Variants in PIK3CB observed in about 807,000 individuals in gnomAD.
PIK3CB encodes the protein phosphatidylinositol 4,5-bisphosphate 3-kinase catalytic subunit beta isoform.
PIK3CB carries 39 observed loss-of-function variants against 136.8 expected under a neutral mutation model. The observed-to-expected ratio is 0.29, with a 90% CI of 0.22 to 0.37. PIK3CB has a LOEUF of 0.37. Among genes scored for constraint, PIK3CB ranks in the 10% least tolerant of loss-of-function variants. PIK3CB has a pLI of 1.00. For missense variants in PIK3CB, 868 were observed against 1,275.4 expected (o/e 0.68, Z 4.87); for synonymous variants, 428 against 436.6 (o/e 0.98, Z 0.25).
chr3:138,730,461 A>G (rs981396156), intron 8 of PIK3CB, among the ~76,000 whole-genome samples: 3 of 152,258 alleles, frequency 2.0e-5, no homozygotes, highest in African/African-American at 7.2e-5. Context: ...AATTATCTAC[A>G]GAAGACAAAT....
intron 19 of PIK3CB, among the ~76,000 whole-genome samples, chr3:138,671,749 G>C (rs1322515263): frequency 6.6e-6 from 1 of 152,244 alleles, no homozygotes; most frequent in East Asian, 1.9e-4. Context: ...GTGCCTCCTT[G>C]GCCAGTTGCC....
intron 19 of PIK3CB, among the ~76,000 whole-genome samples, chr3:138,668,384 A>G (rs1203511281): frequency 6.6e-6 from 1 of 152,144 alleles, no homozygotes; most frequent in African/African-American, 2.4e-5. Context: ...TCACAATGAG[A>G]AGGAAAAAAC....
chr3:138,803,928 G>A (rs1392892107), intron 1 of PIK3CB, among the ~76,000 whole-genome samples: 1 of 152,096 alleles, frequency 6.6e-6, no homozygotes, highest in Non-Finnish European at 1.5e-5. Context: ...ATTCACTGGA[G>A]GCCCACATCA....
rs562298306 is a variant in PIK3CB at position 138,695,550 on chromosome 3, T to C, written c.1771-643A>G. On this transcript the variant is annotated intron_variant, in intron 13 of 23. Coordinates refer to ENST00000674063, the MANE Select transcript of PIK3CB (RefSeq NM_006219.3). ...CAAGCCCTCCCCCAAAAGTCAACAA[T>C]ATCTAAATGAGTATCTACCAGCTAA... 3.7e-4 allele frequency among the ~76,000 whole-genome samples: 56 copies of C among 152,312 alleles called. No homozygotes were observed. In the East Asian group the frequency reaches 9.6e-3, roughly 26 times the overall value.
At position 138,755,861 on chromosome 3, in the gene PIK3CB, C is replaced by T. The variant is rs1467994756; in HGVS notation, c.290G>A (p.Arg97Gln). The T allele has an allele frequency of 6.8e-6, 11 of 1,611,730 alleles. No homozygotes were observed. The highest frequency in any genetic ancestry group is 1.7e-4 in the Middle Eastern group (1 of 6,054). The change falls in exon 4 of 24, where the codon CGA (arginine) becomes CAA (glutamine). Residue 97 changes from arginine to glutamine, a missense_variant. Arg to Gln is a conservative substitution (Grantham distance 43, BLOSUM62 1). This residue lies in a region of PIK3CB where 612 missense variants were observed against 801.1 expected (regional missense o/e 0.76). Coordinates refer to ENST00000674063, the MANE Select transcript of PIK3CB (RefSeq NM_006219.3). The stretch of plus-strand genomic sequence containing the variant: ...AAAAGGTCTGACATCACAGAGTCTT[C>T]GTGTTTCATCTTCAAGCTCCTCATA... The part of the protein sequence containing the change: ...AVYEELEDET[R>Q]RLCDVRPFLP...
chr3:138,702,714 T>C (rs1433593128), intron 12 of PIK3CB, among the ~76,000 whole-genome samples: 1 of 152,260 alleles, frequency 6.6e-6, no homozygotes, highest in East Asian at 1.9e-4. Context: ...TAAAGGTAAC[T>C]GCTCTTGCAG....
At chr3:138,817,598 T>C (rs1933391843) in intron 1 of PIK3CB, among the ~76,000 whole-genome samples, 1 of 152,142 alleles carries the variant, frequency 6.6e-6, no homozygotes, top group African/African-American at 2.4e-5. Flanking sequence ...CTAAAACTAC[T>C]GAGCCAAAAT....
intron 21 of PIK3CB, among the ~76,000 whole-genome samples, chr3:138,660,024 C>A (rs2043265647): frequency 1.3e-5 from 2 of 151,672 alleles, no homozygotes; most frequent in Non-Finnish European, 2.9e-5. Context: ...GAGTATACCT[C>A]CCTGGACTGA....
chr3:138,740,357 C>G (rs1324934948), intron 5 of PIK3CB, among the ~76,000 whole-genome samples: 1 of 152,116 alleles, frequency 6.6e-6, no homozygotes, highest in Non-Finnish European at 1.5e-5. Flanking sequence ...AACTCCGTCT[C>G]AAAACAAAAC....
intron 1 of PIK3CB, among the ~76,000 whole-genome samples, chr3:138,808,009 ACAC>A (rs960072237): frequency 6.6e-5 from 10 of 151,928 alleles, no homozygotes; most frequent in African/African-American, 2.2e-4. Context: ...ATTAAGCACT[ACAC>A]CACATGTTGC....
At chr3:138,659,369 C>G (rs1328290676) in intron 21 of PIK3CB, among the ~76,000 whole-genome samples, 1 of 152,082 alleles carries the variant, frequency 6.6e-6, no homozygotes, top group Non-Finnish European at 1.5e-5. Flanking sequence ...TTATACTTGA[C>G]TGGGCGTGGT....
intron 1 of PIK3CB, among the ~76,000 whole-genome samples, chr3:138,833,731 T>A (rs963734680): frequency 5.3e-5 from 8 of 152,206 alleles, no homozygotes; most frequent in Non-Finnish European, 1.2e-4. Flanking sequence ...ATACTCTTCG[T>A]GTGTTTATAA....
At chr3:138,671,190 G>T (rs1414550129) in intron 19 of PIK3CB, among the ~76,000 whole-genome samples, 1 of 152,068 alleles carries the variant, frequency 6.6e-6, no homozygotes, top group Admixed American at 6.6e-5. Context: ...GTGTTAAAAA[G>T]AAATAACATA....
intron 19 of PIK3CB, among the ~76,000 whole-genome samples, chr3:138,679,704 T>A (rs1368611063): frequency 6.6e-6 from 1 of 151,220 alleles, no homozygotes; most frequent in Non-Finnish European, 1.5e-5. Flanking sequence ...CCTCCTCAGC[T>A]CCCAAGTAGC....
chr3:138,681,544 C>A (rs2108478411), intron 19 of PIK3CB, among the ~76,000 whole-genome samples: 1 of 152,204 alleles, frequency 6.6e-6, no homozygotes, highest in Non-Finnish European at 1.5e-5. Flanking sequence ...TTGATGGTGG[C>A]AAACTAAAAA....
intron 4 of PIK3CB, among the ~76,000 whole-genome samples, chr3:138,748,040 T>A (rs1175015386): frequency 6.6e-6 from 1 of 152,126 alleles, no homozygotes; most frequent in Non-Finnish European, 1.5e-5. Context: ...TAAAATTTGA[T>A]AATACCCTGT....
intron 4 of PIK3CB, among the ~76,000 whole-genome samples, chr3:138,753,764 C>T (rs1400087206): frequency 2.0e-5 from 3 of 152,038 alleles, no homozygotes; most frequent in Non-Finnish European, 4.4e-5. Context: ...TGAGATCGCA[C>T]CACTGCACTC....
intron 1 of PIK3CB, among the ~76,000 whole-genome samples, chr3:138,833,912 AAG>A (rs1934155542): frequency 6.6e-6 from 1 of 152,180 alleles, no homozygotes; most frequent in Non-Finnish European, 1.5e-5. Context: ...GCCCTGCGGG[AAG>A]AGACTGCAGG....
chr3:138,669,603 T>C (rs2043491821), intron 19 of PIK3CB, among the ~76,000 whole-genome samples: 1 of 152,088 alleles, frequency 6.6e-6, no homozygotes, highest in Non-Finnish European at 1.5e-5. Context: ...GCCTATAAGA[T>C]TTGCTTATTA....
Sources: gnomAD v4.1 joint callset for allele counts (sites outside exome capture counted in the v4.1 genomes callset) on GRCh38, gnomAD v4.1.1 for gene constraint, gnomAD v4.1.1 regional missense constraint, MANE v1.5 for transcripts, NCBI Gene and HGNC (gene_info 2026-07-23, HGNC 2026-07-21) for gene names.